XPA: variants seen among roughly 807,000 people sequenced by gnomAD.
The protein encoded by XPA is DNA repair protein complementing XP-A cells.
A neutral mutation model predicts 35.7 loss-of-function variants in XPA; 27 were observed. The observed-to-expected ratio is 0.76, with a 90% confidence interval of 0.56 to 1.04. The LOEUF is 1.04. Ranked by LOEUF, XPA falls within the 50% of genes least tolerant of loss-of-function variation. The pLI, the probability that XPA is intolerant of heterozygous loss-of-function variation, is 0.00. For synonymous variants in XPA, 133 were observed against 118.4 expected (o/e 1.12, Z -0.80); for missense variants, 354 against 342.7 (o/e 1.03, Z -0.26).
At chr9:97,682,536 T>C (rs1828578634) in intron 5 of XPA, 2 of 478,130 alleles carry the variant, frequency 4.2e-6, no homozygotes, top group Admixed American at 4.6e-5. Flanking sequence ...ACTTAGGTAT[T>C]CATATGCACA....
At chr9:97,677,462 T>G (rs1201949672) in intron 5 of XPA, among the ~76,000 whole-genome samples, 1 of 152,086 alleles carries the variant, frequency 6.6e-6, no homozygotes, top group East Asian at 1.9e-4. Context: ...TACCTGAGCC[T>G]GGGAGTTCAA....
At chr9:97,658,778 G>A in the XPA span, 1 of 1,459,918 alleles carries the variant, frequency 6.8e-7, no homozygotes, top group Non-Finnish European at 9.6e-7. Context: ...GTCTTTAAAA[G>A]GTACCAGTTC....
chr9:97,697,008 T>C (rs1829066927), intron 1 of XPA, 113 bp downstream of exon 1: 1 of 1,347,892 alleles, frequency 7.4e-7, no homozygotes, highest in East Asian at 2.7e-5. Flanking sequence ...TCTGCACACA[T>C]ACGCCAGCGG....
At chr9:97,659,970 C>T in the XPA span, among the ~76,000 whole-genome samples, 1 of 152,148 alleles carries the variant, frequency 6.6e-6, no homozygotes, top group Non-Finnish European at 1.5e-5. Flanking sequence ...GTCTGGAAAG[C>T]CCTTTCTAGC....
the XPA span, among the ~76,000 whole-genome samples, chr9:97,657,713 A>G: frequency 6.6e-6 from 1 of 152,076 alleles, no homozygotes; most frequent in South Asian, 2.1e-4. Context: ...TTCTACATTT[A>G]TTAGTGGGCC....
chr9:97,657,817 TA>T, the XPA span, among the ~76,000 whole-genome samples: 2 of 151,610 alleles, frequency 1.3e-5, no homozygotes, highest in East Asian at 3.9e-4. Flanking sequence ...CGATGGGTTA[TA>T]AACTATGAGG....
intron 5 of XPA, among the ~76,000 whole-genome samples, chr9:97,683,552 C>T (rs760625541): frequency 1.3e-5 from 2 of 152,084 alleles, no homozygotes; most frequent in African/African-American, 2.4e-5. Flanking sequence ...AGTTGCTTAA[C>T]TTCGTGTCAA....
the XPA span, chr9:97,668,784 G>A: frequency 6.5e-7 from 1 of 1,549,404 alleles, no homozygotes; most frequent in South Asian, 1.2e-5. Flanking sequence ...GCTTCCCCTG[G>A]AGGAGATTTA....
intron 5 of XPA, among the ~76,000 whole-genome samples, chr9:97,680,757 G>A (rs1828515684): frequency 6.6e-6 from 1 of 152,194 alleles, no homozygotes; most frequent in Non-Finnish European, 1.5e-5. Context: ...AGAATGAGAA[G>A]GAGGTAGTTT....
At chr9:97,660,335 A>G in the XPA span, among the ~76,000 whole-genome samples, 1 of 152,222 alleles carries the variant, frequency 6.6e-6, no homozygotes, top group South Asian at 2.1e-4. Flanking sequence ...TACGGTGTAT[A>G]TTAGCACAAA....
At position 97,687,222 on chromosome 9, in the gene XPA, C is replaced by G; in HGVS notation, c.429G>C (p.Glu143Asp). 1 of 1,610,806 alleles carries G rather than the reference C, an allele frequency of 6.2e-7. No individual in the cohort carries two copies. The highest frequency in any genetic ancestry group is 8.5e-7 in the Non-Finnish European group (1 of 1,178,842). Residue 143 changes from glutamate (E) to aspartate (D), a missense_variant, in exon 4 of 6, where the codon GAG (glutamate) becomes GAC (aspartate). Coordinates refer to ENST00000375128, the MANE Select transcript of XPA (RefSeq NM_000380.4). ...CTTTCAGAAGATATTCTTGTTTTGC[C>G]TCTGTTTTGGTTATAAGCTTGTGTT... The part of the protein sequence containing the change: ...DDKHKLITKT[E>D]AKQEYLLKDC...
chr9:97,669,637 T>C, the XPA span: 16 of 1,613,380 alleles, frequency 9.9e-6, no homozygotes, highest in South Asian at 1.8e-4. Context: ...GATGCGAAAC[T>C]GATGGGACCA....
downstream of XPA, chr9:97,672,663 C>G (rs1039301580): frequency 6.3e-6 from 1 of 159,744 alleles, no homozygotes; most frequent in Non-Finnish European, 1.3e-5. Context: ...TCTCCTTACA[C>G]ACAGGTTTTC....
chr9:97,694,003 ATG>A (rs2131406593), intron 1 of XPA, among the ~76,000 whole-genome samples: 1 of 152,388 alleles, frequency 6.6e-6, no homozygotes, highest in East Asian at 1.9e-4. Context: ...TGATGTAATT[ATG>A]TGTGTAAAAT....
At chr9:97,690,196 T>C (rs1828842789) in intron 2 of XPA, among the ~76,000 whole-genome samples, 1 of 152,308 alleles carries the variant, frequency 6.6e-6, no homozygotes, top group Admixed American at 6.5e-5. Flanking sequence ...CCTCTGACTC[T>C]TGGCTTTCCT....
At chr9:97,681,993 T>C (rs1381893723) in intron 5 of XPA, among the ~76,000 whole-genome samples, 2 of 152,206 alleles carry the variant, frequency 1.3e-5, no homozygotes, top group Non-Finnish European at 2.9e-5. Context: ...GTTTCTGCCT[T>C]GTATCTAACA....
chr9:97,661,196 T>A, the XPA span: 1 of 1,075,132 alleles, frequency 9.3e-7, no homozygotes, highest in Non-Finnish European at 1.3e-6. Flanking sequence ...CAGACTGTTG[T>A]TCTTAGCACC....
At chr9:97,676,448 T>TC (rs1431177566) in intron 5 of XPA, among the ~76,000 whole-genome samples, 1 of 152,348 alleles carries the variant, frequency 6.6e-6, no homozygotes, top group East Asian at 1.9e-4. Flanking sequence ...ACCCAGTTCT[T>TC]CATTATCTTT....
In XPA at chr9:97,697,153, GGCCGGGCAGCCA is replaced by G; in HGVS notation, c.128_139del (p.Leu43_Arg46del). On this transcript the variant is annotated inframe_deletion, in exon 1 of 6. Transcript: ENST00000375128. Reference sequence around the variant, plus strand: ...AGCCGCAGCCGCCGTCGCCGAGTAGGGCCGGGCAGCCAGCCGGGCCTGGCGCAGCATCAGTGC... The same window carrying G: ...AGCCGCAGCCGCCGTCGCCGAGTAGGGCCGGGCCTGGCGCAGCATCAGTGC... 6.4e-7 allele frequency: 1 copy of G among 1,568,092 alleles called. No individual in the cohort carries two copies.
Sources: gnomAD v4.1 joint callset for allele counts (sites outside exome capture counted in the v4.1 genomes callset) on GRCh38, gnomAD v4.1.1 for gene constraint, MANE v1.5 for transcripts, NCBI Gene and HGNC (gene_info 2026-07-23, HGNC 2026-07-21) for gene names.